The following TENM3 variants were observed in gnomAD, a reference collection of about 807,000 sequenced individuals.
The protein encoded by TENM3 is teneurin-3.
Under a neutral mutation model 255.1 loss-of-function variants are expected in TENM3, and 63 were observed. The ratio of observed to expected loss-of-function variants is 0.25; its 90% CI spans 0.20 to 0.30. The LOEUF is 0.30. Ranked by LOEUF, TENM3 falls within the 10% of genes least tolerant of loss-of-function variation. TENM3 has a pLI of 1.00. For synonymous variants in TENM3, 1,306 were observed against 1,322.3 expected (o/e 0.99, Z 0.27); for missense variants, 2,929 against 3,461.1 (o/e 0.85, Z 3.86).
intron 3 of TENM3, among the ~76,000 whole-genome samples, chr4:182,430,120 T>C (rs1424895911): frequency 1.3e-5 from 2 of 152,194 alleles, no homozygotes; most frequent in Admixed American, 6.5e-5. Context: ...GAGGATAACA[T>C]AAGGCAGCAG....
the TENM3 span, among the ~76,000 whole-genome samples, chr4:181,726,042 A>C: frequency 6.6e-6 from 1 of 152,152 alleles, no homozygotes; most frequent in African/African-American, 2.4e-5. Context: ...TTAATGATAG[A>C]ATGAGAGAGA....
the TENM3 span, among the ~76,000 whole-genome samples, chr4:182,137,708 A>G: frequency 3.3e-5 from 5 of 152,188 alleles, no homozygotes; most frequent in African/African-American, 1.2e-4. Context: ...AGATTGCTTA[A>G]AACTTTTCTT....
intron 22 of TENM3, among the ~76,000 whole-genome samples, chr4:182,759,583 A>C (rs1395072182): frequency 6.6e-6 from 1 of 152,234 alleles, no homozygotes; most frequent in Non-Finnish European, 1.5e-5. Context: ...TTCTTATTCC[A>C]ATAATTAAAC....
the TENM3 span, among the ~76,000 whole-genome samples, chr4:181,803,055 C>A: frequency 6.6e-6 from 1 of 151,768 alleles, no homozygotes; most frequent in Non-Finnish European, 1.5e-5. Flanking sequence ...CTTTTTTCAT[C>A]ATTACATGTA....
At chr4:181,491,999 G>A in the TENM3 span, among the ~76,000 whole-genome samples, 25 of 152,038 alleles carry the variant, frequency 1.6e-4, no homozygotes, top group Non-Finnish European at 2.6e-4. Flanking sequence ...TCTATATTTG[G>A]CCAAATTAAC....
the TENM3 span, among the ~76,000 whole-genome samples, chr4:181,606,555 G>T: frequency 6.6e-6 from 1 of 152,104 alleles, no homozygotes; most frequent in Admixed American, 6.5e-5. Flanking sequence ...GGAGAGAACT[G>T]CATTACTCAG....
chr4:181,670,439 C>T, the TENM3 span, among the ~76,000 whole-genome samples: 11 of 152,116 alleles, frequency 7.2e-5, no homozygotes, highest in Non-Finnish European at 1.2e-4. Flanking sequence ...ATTTAAGAAC[C>T]ATGCATCTTG....
the TENM3 span, among the ~76,000 whole-genome samples, chr4:181,478,983 C>A: frequency 6.6e-6 from 1 of 152,170 alleles, no homozygotes; most frequent in African/African-American, 2.4e-5. Context: ...GCAAGTTTTT[C>A]TCTTCTAGAT....
At chr4:182,622,386 C>T (rs1750375119) in intron 4 of TENM3, among the ~76,000 whole-genome samples, 2 of 152,146 alleles carry the variant, frequency 1.3e-5, no homozygotes, top group African/African-American at 4.8e-5. Context: ...GCAACTCAAG[C>T]CCTTGCCAAG....
chr4:182,014,771 G>A, the TENM3 span, among the ~76,000 whole-genome samples: 1 of 152,114 alleles, frequency 6.6e-6, no homozygotes, highest in Non-Finnish European at 1.5e-5. Flanking sequence ...TGTACCAGGG[G>A]CGGCAGAGTC....
At position 182,800,013 on chromosome 4, in the gene TENM3, G is replaced by A. The variant is rs1203339057; in HGVS notation, c.7762G>A (p.Gly2588Ser). 7 of 1,594,172 alleles carry A rather than the reference G, an allele frequency of 4.4e-6. No homozygotes were observed. The highest frequency in any genetic ancestry group is 6.0e-6 in the Non-Finnish European group (7 of 1,171,544). The part of the protein sequence containing the change: ...TVSQSTTVVN[G>S]RTRRFADVEM... Reference sequence around the variant, plus strand: ...GTCGCAGTCCACCACGGTGGTGAACGGCAGGACGCGCAGGTTCGCGGACGT... The same window carrying A: ...GTCGCAGTCCACCACGGTGGTGAACAGCAGGACGCGCAGGTTCGCGGACGT... The change falls in exon 28 of 28, where the codon GGC becomes AGC. Residue 2588 changes from glycine to serine, a missense_variant. Physicochemically the swap from Gly to Ser is moderately conservative, Grantham distance 56. This residue lies in a region of TENM3 where 476 missense variants were observed against 480.1 expected (regional missense o/e 0.99). Transcript: ENST00000511685.
intron 3 of TENM3, among the ~76,000 whole-genome samples, chr4:182,457,172 A>C (rs1193162215): frequency 6.7e-6 from 1 of 149,716 alleles, no homozygotes; most frequent in Non-Finnish European, 1.5e-5. Context: ...GTGACAGAGC[A>C]AGACTCTGTC....
chr4:182,024,136 C>G, the TENM3 span, among the ~76,000 whole-genome samples: 6 of 152,070 alleles, frequency 3.9e-5, no homozygotes, highest in African/African-American at 1.4e-4. Flanking sequence ...AAAAGATTAA[C>G]TACTGGTCAG....
intron 4 of TENM3, among the ~76,000 whole-genome samples, chr4:182,605,679 G>A (rs1291610805): frequency 6.6e-6 from 1 of 152,136 alleles, no homozygotes; most frequent in Non-Finnish European, 1.5e-5. Flanking sequence ...TCAAGAATTT[G>A]CTGTGTGCTG....
the TENM3 span, among the ~76,000 whole-genome samples, chr4:181,641,771 T>C: frequency 2.7e-3 from 312 of 116,556 alleles, 3 homozygotes; most frequent in African/African-American, 9.9e-3. Flanking sequence ...TATATATATA[T>C]ACATACACAC....
In TENM3 at chr4:182,757,007, G is replaced by T. The variant is rs1762786650; in HGVS notation, c.4892+1748G>T. On this transcript the variant is annotated intron_variant, in intron 22 of 27. Transcript: ENST00000511685. ...TCAGATGAGACTGGGCAGGAGAGCT[G>T]CTCTGATTCTAAGATCTTCAGGAGG... Among the ~76,000 whole-genome samples the T allele has an allele frequency of 1.3e-5, 2 of 152,128 alleles. 1 individual carries two copies. Among genetic ancestry groups the T allele is most frequent in the South Asian group, 4.1e-4 (2 of 4,828 alleles).
the TENM3 span, among the ~76,000 whole-genome samples, chr4:181,946,398 T>C: frequency 6.6e-6 from 1 of 152,210 alleles, no homozygotes; most frequent in East Asian, 1.9e-4. Context: ...TCTCAGTTTA[T>C]CAGAATCCAC....
rs1205025950 is a variant in TENM3, at chr4:182,177,142, GT to G, written c.-76+32389del. Among the ~76,000 whole-genome samples the G allele has an allele frequency of 2.0e-5, 3 of 152,220 alleles. No homozygotes were observed. The East Asian group carries it at 5.8e-4, about 29-fold the overall frequency. On this transcript the variant is annotated intron_variant, in intron 1 of 2. Coordinates refer to the TENM3 transcript ENST00000512480. ...GGACCCGCACGGAGCAGAAGCCGCT[GT>G]GCTCTGGTGCTCAGGTGGTGCTTAA...
chr4:182,540,186 C>T (rs75305583), intron 3 of TENM3, among the ~76,000 whole-genome samples: 4,152 of 152,282 alleles, frequency 0.027, 92 homozygotes, highest in Non-Finnish European at 0.043. Flanking sequence ...AGCATTTCCT[C>T]CATAAGTTAT....
Sources: allele counts gnomAD v4.1 joint callset (sites outside exome capture counted in the v4.1 genomes callset), GRCh38; gene constraint gnomAD v4.1.1; regional missense constraint gnomAD v4.1.1; transcripts MANE v1.5; gene names NCBI Gene and HGNC (gene_info 2026-07-23, HGNC 2026-07-21).